The following CPPED1 variants were observed in gnomAD, a reference collection of about 807,000 sequenced individuals.
CPPED1 encodes the protein calcineurin like phosphoesterase domain containing 1.
Under a neutral mutation model 28.0 loss-of-function variants are expected in CPPED1, and 28 were observed. The observed-to-expected ratio is 1.00, with a 90% CI of 0.74 to 1.37. CPPED1 has a LOEUF of 1.37. CPPED1 is among the 40% of genes most tolerant of loss of function. The probability of loss-of-function intolerance (pLI) is 0.00; values close to 1 mark genes in which losing one functional copy is unlikely to be tolerated. For synonymous variants in CPPED1, 198 were observed against 180.2 expected, an observed-to-expected ratio of 1.10 and a Z score of -0.79; for missense variants, 504 against 416.5, an observed-to-expected ratio of 1.21 and a Z score of -1.83.
At chr16:12,733,818 GTGCAC>G in intron 2 of CPPED1, among the ~76,000 whole-genome samples, 1 of 152,174 alleles carries the variant, frequency 6.6e-6, no homozygotes, top group South Asian at 2.1e-4. Context: ...ATGAGGAGTT[GTGCAC>G]TGCTGCTTTG....
At chr16:12,713,929 C>T (rs926849982) in intron 2 of CPPED1, among the ~76,000 whole-genome samples, 2 of 152,098 alleles carry the variant, frequency 1.3e-5, no homozygotes, top group East Asian at 1.9e-4. Context: ...AGCAGCCCTT[C>T]CCCATTGCCC....
At chr16:12,719,801 G>A (rs1416873486) in intron 2 of CPPED1, among the ~76,000 whole-genome samples, 2 of 151,894 alleles carry the variant, frequency 1.3e-5, no homozygotes, top group African/African-American at 4.8e-5. Flanking sequence ...CGGGCGTGGT[G>A]GCACAGTCCT....
At chr16:12,773,416 T>C (rs937452546) in intron 2 of CPPED1, among the ~76,000 whole-genome samples, 2 of 152,194 alleles carry the variant, frequency 1.3e-5, no homozygotes, top group African/African-American at 4.8e-5. Context: ...CAAGATTACA[T>C]TTAATACATT....
chr16:12,731,155 ATTTT>A (rs36018134), intron 2 of CPPED1, among the ~76,000 whole-genome samples: 2 of 136,986 alleles, frequency 1.5e-5, no homozygotes, highest in Admixed American at 7.4e-5. Context: ...AAAAAAAAAA[ATTTT>A]TTTTTTTTTT....
intron 2 of CPPED1, among the ~76,000 whole-genome samples, chr16:12,768,246 G>A (rs187813802): frequency 2.6e-5 from 4 of 152,260 alleles, no homozygotes; most frequent in Admixed American, 2.6e-4. Context: ...TCTCTACTGT[G>A]TGCTTTTGCT....
chr16:12,731,835 A>C (rs1256540878), intron 2 of CPPED1, among the ~76,000 whole-genome samples: 1 of 151,936 alleles, frequency 6.6e-6, no homozygotes, highest in Non-Finnish European at 1.5e-5. Context: ...CCCAATGGTA[A>C]GAAACAGAGG....
intron 1 of CPPED1, among the ~76,000 whole-genome samples, chr16:12,787,802 A>G (rs2141242806): frequency 6.6e-6 from 1 of 152,322 alleles, no homozygotes; most frequent in South Asian, 2.1e-4. Flanking sequence ...CAAATGTATC[A>G]GCTTCAAACA....
At chr16:12,729,842 T>C (rs534138892) in intron 2 of CPPED1, among the ~76,000 whole-genome samples, 46 of 152,302 alleles carry the variant, frequency 3.0e-4, no homozygotes, top group Admixed American at 2.2e-3. Context: ...CATGGACAAG[T>C]AGCAATGGGC....
Position 12,801,847 on chromosome 16 carries a change from A to T in CPPED1, c.70+1860T>A, listed in dbSNP as rs1323669325. The stretch of plus-strand genomic sequence containing the variant: ...AGGGAGTGTGGTAACCCAAGGTTAG[A>T]AAAGCAGAACCACTGCCACTCCCAC... On this transcript the variant is annotated intron_variant, in intron 1 of 3. Transcript: ENST00000381774. 3.3e-5 allele frequency among the ~76,000 whole-genome samples: 5 copies of T among 152,302 alleles called. No homozygotes were observed. In the South Asian group the frequency reaches 6.2e-4, roughly 19 times the overall value.
chr16:12,713,844 T>C (rs553389348), intron 2 of CPPED1, among the ~76,000 whole-genome samples: 1 of 152,100 alleles, frequency 6.6e-6, no homozygotes, highest in African/African-American at 2.4e-5. Flanking sequence ...TTTTAGAATA[T>C]TCAAAGAGTT....
intron 1 of CPPED1, among the ~76,000 whole-genome samples, chr16:12,802,493 C>G (rs1743491325): frequency 6.6e-6 from 1 of 152,082 alleles, no homozygotes; most frequent in African/African-American, 2.4e-5. Context: ...TCCAGCTACT[C>G]CAGAGGCTGA....
At chr16:12,803,646 T>TC in intron 1 of CPPED1, 61 bp downstream of exon 1, 2 of 1,345,176 alleles carry the variant, frequency 1.5e-6, no homozygotes, top group Admixed American at 3.5e-5. Context: ...AACAAAAGGT[T>TC]CCCCCGGCGG....
chr16:12,777,869 T>A lies in CPPED1; in HGVS notation c.289+3316A>T, dbSNP rs551364091. Among the ~76,000 whole-genome samples, 60 of 147,092 alleles carry A rather than the reference T, an allele frequency of 4.1e-4. No individual in the cohort carries two copies. The East Asian group carries it at 0.01, about 26-fold the overall frequency. On this transcript the variant is annotated intron_variant, in intron 2 of 3. Transcript: ENST00000381774. ...AGAAAAAGCATATTATTACTTTCAT[T>A]AAAAAAAAAATGAAAGTTCTTTTTT...
At chr16:12,762,260 G>A (rs1260870933) in intron 2 of CPPED1, among the ~76,000 whole-genome samples, 2 of 152,170 alleles carry the variant, frequency 1.3e-5, no homozygotes, top group African/African-American at 2.4e-5. Context: ...GGGGAAGAGG[G>A]TAACGCCACG....
intron 3 of CPPED1, among the ~76,000 whole-genome samples, chr16:12,687,849 C>G (rs2141176194): frequency 6.6e-6 from 1 of 151,992 alleles, no homozygotes; most frequent in South Asian, 2.1e-4. Context: ...TGAACAGATG[C>G]CCCAAAAGCA....
In CPPED1 at chr16:12,704,728, T is replaced by C; in HGVS notation, c.611A>G (p.Gln204Arg). ...GCTCTCCAGGAACAGCGGGATGTGC[T>C]GGAAGACGATGGCATGCTGGCAGTG... ...QRHCQHAIVF[Q>R]HIPLFLESID... Residue 204 changes from glutamine (Q) to arginine (R), a missense_variant, in exon 3 of 4, where the codon CAG becomes CGG. Gln to Arg is a conservative substitution (Grantham distance 43). Coordinates refer to ENST00000381774, the MANE Select transcript of CPPED1 (RefSeq NM_018340.3). 6.2e-7 allele frequency: 1 copy of C among 1,614,222 alleles called. No homozygotes were observed.
chr16:12,749,676 G>A (rs138395402), intron 2 of CPPED1, among the ~76,000 whole-genome samples: 139 of 152,184 alleles, frequency 9.1e-4, no homozygotes, highest in African/African-American at 2.9e-3. Flanking sequence ...TGCAACCTCC[G>A]CCTCCCAGGT....
rs887632836 is a variant in CPPED1 at position 12,798,291 on chromosome 16, T to C, written c.70+5416A>G. 1.6e-4 allele frequency among the ~76,000 whole-genome samples: 24 copies of C among 152,192 alleles called. 1 individual carries two copies. Among genetic ancestry groups the C allele is most frequent in the African/African-American group, 5.8e-4 (24 of 41,440 alleles). ...CTATTTACTCACAGGAACTCTCAAA[T>C]AAGAGGACCTTCAAATATATCTCAA... On this transcript the variant is annotated intron_variant, in intron 1 of 3. Transcript: ENST00000381774.
rs576076913 is a variant in CPPED1 at position 12,802,419 on chromosome 16, T to C, written c.70+1288A>G. ...GAGTTCGAGACCAGCCTGGCCAACA[T>C]GGAGAAACCCCATCTCTACTAAAAA... On this transcript the variant is annotated intron_variant, in intron 1 of 3. Transcript: ENST00000381774. 2.0e-3 allele frequency among the ~76,000 whole-genome samples: 302 copies of C among 152,070 alleles called. 8 individuals are homozygous for C. The highest frequency in any genetic ancestry group is 3.6e-3 in the Admixed American group (55 of 15,280).
Sources: gnomAD v4.1 joint callset for allele counts (sites outside exome capture counted in the v4.1 genomes callset) on GRCh38, gnomAD v4.1.1 for gene constraint, MANE v1.5 for transcripts, NCBI Gene and HGNC (gene_info 2026-07-23, HGNC 2026-07-21) for gene names.